Variants in LMNA observed in about 807,000 individuals in gnomAD.
LMNA encodes lamin A/C, also known as lamin.
Under a neutral mutation model 70.4 loss-of-function variants are expected in LMNA, and 20 were observed. The observed-to-expected ratio is 0.28, with a 90% CI of 0.20 to 0.41. LMNA has a LOEUF of 0.41. LMNA is among the 10% of genes least tolerant of loss of function. The pLI is 1.00. For synonymous variants in LMNA, 339 were observed against 372.8 expected (o/e 0.91, Z 1.04); for missense variants, 652 against 917.2 (o/e 0.71, Z 3.73).
rs1651663258 is a variant in LMNA, at chr1:156,136,623, CA to C, written c.1380+188del. 1 of 709,332 alleles carries C rather than the reference CA, an allele frequency of 1.4e-6. No homozygotes were observed. The highest frequency in any genetic ancestry group is 1.6e-5 in the South Asian group (1 of 62,674). 43.9% of individuals were successfully genotyped at this position (709,332 alleles called of 1,614,324 possible). On this transcript the variant is annotated intron_variant, in intron 7 of 11. Coordinates refer to ENST00000368300, the MANE Select transcript of LMNA (RefSeq NM_170707.4). This position sits in a 1 kb window ranked among gnomAD's most constrained non-coding sequence, Gnocchi z 6.1. ...GACTCTTTGGCTGTGAGACCTTGAG[CA>C]GGTTATTTAACCTCTCAGAGCATCA...
At chr1:156,118,811 G>A (rs182373269) in intron 1 of LMNA, among the ~76,000 whole-genome samples, 15 of 152,310 alleles carry the variant, frequency 9.8e-5, no homozygotes, top group African/African-American at 3.4e-4. Context: ...TTGGAGTTGG[G>A]ATGGAAAGTT....
At chr1:156,123,066 C>T (rs1385881579) in intron 1 of LMNA, 1 of 152,238 alleles carries the variant, frequency 6.6e-6, no homozygotes, top group Non-Finnish European at 1.5e-5. Context: ...GGACAGGAGA[C>T]CCTAAGCTTG....
upstream of LMNA, among the ~76,000 whole-genome samples, chr1:156,114,398 G>T (rs1286570536): frequency 6.6e-6 from 1 of 151,396 alleles, no homozygotes; most frequent in Non-Finnish European, 1.5e-5. Flanking sequence ...CTTTCTCCCC[G>T]ACCCTTTTGC....
chr1:156,086,509 A>G (rs1472617792), intron 2 of LMNA, among the ~76,000 whole-genome samples: 1 of 152,182 alleles, frequency 6.6e-6, no homozygotes, highest in Non-Finnish European at 1.5e-5. Flanking sequence ...ACATACACAC[A>G]CACAAGCCAG....
At chr1:156,118,947 C>T (rs1650014466) in intron 1 of LMNA, among the ~76,000 whole-genome samples, 1 of 152,044 alleles carries the variant, frequency 6.6e-6, no homozygotes, top group Admixed American at 6.6e-5. Flanking sequence ...CCAATACTCT[C>T]TCTCTCTTCT....
chr1:156,113,505 C>A (rs1649618506), upstream of LMNA, among the ~76,000 whole-genome samples: 1 of 152,098 alleles, frequency 6.6e-6, no homozygotes, highest in Non-Finnish European at 1.5e-5. Flanking sequence ...GAGAGCCTGG[C>A]CCCTCCCCAG....
intron 1 of LMNA, among the ~76,000 whole-genome samples, chr1:156,128,127 C>G (rs1162094877): frequency 6.6e-6 from 1 of 152,108 alleles, no homozygotes; most frequent in Non-Finnish European, 1.5e-5. Flanking sequence ...ATAGGAATAG[C>G]ACCTATCGCA....
At chr1:156,099,188 T>C (rs1649050998) in intron 3 of LMNA, among the ~76,000 whole-genome samples, 1 of 152,082 alleles carries the variant, frequency 6.6e-6, no homozygotes. Context: ...TAGGCCTTAG[T>C]TCCTTAGCTC....
In LMNA at chr1:156,134,429, G is replaced by A. The variant is rs1437725392; in HGVS notation, c.540G>A (p.Lys180=). Reference sequence around the variant, plus strand: ...TTGAGGCAGCCCTAGGTGAGGCCAAGAAGCAACTTCAGGATGAGATGCTGC... The same window carrying A: ...TTGAGGCAGCCCTAGGTGAGGCCAAAAAGCAACTTCAGGATGAGATGCTGC... ...AKLEAALGEA[K]KQLQDEMLRR... is the part of the protein sequence containing the mutation. Residue 180 remains lysine, a synonymous_variant, in exon 3 of 12, where the codon AAG becomes AAA. Transcript: ENST00000368300. This position sits in a 1 kb window ranked among gnomAD's most constrained non-coding sequence, Gnocchi z 5.3. 6 of 1,614,066 alleles carry A rather than the reference G, an allele frequency of 3.7e-6. No homozygotes were observed. Among genetic ancestry groups the A allele is most frequent in the Non-Finnish European group, 5.1e-6 (6 of 1,180,034 alleles).
In LMNA at chr1:156,135,791, AT is replaced by A; in HGVS notation, c.937-108del. On this transcript the variant is annotated intron_variant, in intron 5 of 11. Transcript: ENST00000368300. The surrounding 1 kb of genome is among the most constrained non-coding windows in gnomAD (Gnocchi z 4.8). ...TGATGAGGGCTCTGGGGAAGCTCTGATTGCAGATCCTGGAGAGAGTAGCCAG... is the reference window on the plus strand; with the variant it reads ...TGATGAGGGCTCTGGGGAAGCTCTGATGCAGATCCTGGAGAGAGTAGCCAG... The A allele has an allele frequency of 1.1e-6, 1 of 872,940 alleles. No individual in the cohort carries two copies. The highest frequency in any genetic ancestry group is 1.8e-6 in the Non-Finnish European group (1 of 544,722). 54.1% of individuals were successfully genotyped at this position (872,940 alleles called of 1,614,324 possible).
chr1:156,126,959 G>T, intron 1 of LMNA: 1 of 1,518,760 alleles, frequency 6.6e-7, no homozygotes, highest in Non-Finnish European at 8.9e-7. Flanking sequence ...GGTATTGTGT[G>T]CCTGAGCATG....
At chr1:156,129,834 T>G (rs1650886885) in intron 1 of LMNA, 2 of 767,102 alleles carry the variant, frequency 2.6e-6, no homozygotes, top group Middle Eastern at 3.1e-4. Flanking sequence ...CAGGGAGGCT[T>G]AAAGCTGGGG....
chr1:156,118,524 G>A (rs75454514), intron 1 of LMNA, among the ~76,000 whole-genome samples: 380 of 152,240 alleles, frequency 2.5e-3, no homozygotes, highest in African/African-American at 8.7e-3. Flanking sequence ...AAAGAGAGGT[G>A]GATTTGCACA....
intron 3 of LMNA, among the ~76,000 whole-genome samples, chr1:156,105,955 TAAAAAAAAACAGAAAACAAAAAAC>T (rs1649319603): frequency 6.7e-6 from 1 of 149,180 alleles, no homozygotes; most frequent in Admixed American, 6.7e-5. Flanking sequence ...CGTCTCTACT[TAAAAAAAAACAGAAAACAAAAAAC>T]AAAAAAATAG....
chr1:156,121,618 A>G (rs1650196666), intron 1 of LMNA, among the ~76,000 whole-genome samples: 1 of 151,798 alleles, frequency 6.6e-6, no homozygotes, highest in Admixed American at 6.6e-5. Flanking sequence ...AGCTGGATGG[A>G]CAACTGGTAG....
chr1:156,139,028 T>G, intron 11 of LMNA, 52 bp from the exon 12 acceptor site: 1 of 1,583,004 alleles, frequency 6.3e-7, no homozygotes. Flanking sequence ...GGAGGGAGGG[T>G]CTGGGTCCAG....
intron 1 of LMNA, among the ~76,000 whole-genome samples, chr1:156,122,504 A>C (rs991187098): frequency 2.6e-5 from 4 of 152,204 alleles, no homozygotes; most frequent in African/African-American, 9.6e-5. Flanking sequence ...ACATTTCTCT[A>C]TTTCCCCGTG....
In LMNA at chr1:156,135,354, T is replaced by C; in HGVS notation, c.936+42T>C. 7.8e-7 allele frequency: 1 copy of C among 1,285,800 alleles called. No homozygotes were observed. The highest frequency in any genetic ancestry group is 1.0e-6 in the Non-Finnish European group (1 of 958,598). The allele number at this position is 1,285,800 out of a possible 1,614,324, so 79.6% of individuals were successfully genotyped here. A position where few individuals can be genotyped will look rare whatever the true frequency, so the allele number is the denominator to read the frequency against. ...CCCCTCTCTCCAGGGGCCTAGAGTC[T>C]GGGCCGGATGCAGGCTGGAAGCCCA... On this transcript the variant is annotated intron_variant, in intron 5 of 11. Coordinates refer to ENST00000368300, the MANE Select transcript of LMNA (RefSeq NM_170707.4). The surrounding 1 kb of genome is among the most constrained non-coding windows in gnomAD (Gnocchi z 4.8).
upstream of LMNA, among the ~76,000 whole-genome samples, chr1:156,114,511 G>A (rs531554126): frequency 6.6e-6 from 1 of 152,334 alleles, no homozygotes; most frequent in South Asian, 2.1e-4. Context: ...AGCCAAGAGA[G>A]GGGAAGCTTG....
Sources: allele counts gnomAD v4.1 joint callset (sites outside exome capture counted in the v4.1 genomes callset), GRCh38; gene constraint gnomAD v4.1.1; non-coding constraint Gnocchi (gnomAD v3.1); transcripts MANE v1.5; gene names NCBI Gene and HGNC (gene_info 2026-07-23, HGNC 2026-07-21).